EXD3: variants seen among roughly 807,000 people sequenced by gnomAD.
The protein encoded by EXD3 is exonuclease 3'-5' domain containing 3, also known as exonuclease mut-7 homolog.
EXD3 carries 92 observed loss-of-function variants against 98.0 expected under a neutral mutation model. That is an observed-to-expected ratio of 0.94 (90% CI 0.79 to 1.12). The LOEUF is 1.12. Ranked by LOEUF, EXD3 falls within the 50% of genes most tolerant of loss-of-function variation. The pLI is 0.00. For synonymous variants in EXD3, 569 were observed against 526.0 expected (o/e 1.08, Z -1.12); for missense variants, 1,222 against 1,191.6 (o/e 1.03, Z -0.38).
chr9:137,366,195 A>G (rs1322185260), intron 7 of EXD3: 2 of 702,186 alleles, frequency 2.8e-6, no homozygotes, highest in African/African-American at 3.5e-5. Flanking sequence ...GATGAACAAG[A>G]AAGCAGTACG....
At chr9:137,323,554 C>T (rs1321141084) in intron 19 of EXD3, among the ~76,000 whole-genome samples, 171 bp downstream of exon 19, 12 of 100,686 alleles carry the variant, frequency 1.2e-4, no homozygotes, top group South Asian at 7.2e-4. Context: ...CACCTCACCC[C>T]GGACCCACGA....
At chr9:137,328,667 C>T (rs1832667875) in intron 17 of EXD3, among the ~76,000 whole-genome samples, 3 of 91,370 alleles carry the variant, frequency 3.3e-5, no homozygotes, top group Admixed American at 1.1e-4. Context: ...CGGGACTACA[C>T]GGGACTACAC....
Position 137,382,889 on chromosome 9 carries a change from G to A in EXD3, c.120+424C>T, listed in dbSNP as rs55841163. Among the ~76,000 whole-genome samples the A allele has an allele frequency of 7.6e-3, 1,164 of 152,194 alleles. 17 individuals carry two copies. Among genetic ancestry groups the A allele is most frequent in the African/African-American group, 0.024 (1,009 of 41,532 alleles). On this transcript the variant is annotated intron_variant, in intron 3 of 21. Coordinates refer to ENST00000340951, the MANE Select transcript of EXD3 (RefSeq NM_017820.5). ...TGTAGCCTCTCCCCTGGCCTCTCCC[G>A]CCCAGCCTCCTGCCCTGCTCAAGTC...
chr9:137,415,629 C>G (rs112681884), intron 1 of EXD3, among the ~76,000 whole-genome samples: 4 of 152,200 alleles, frequency 2.6e-5, no homozygotes, highest in Admixed American at 2.6e-4. Context: ...GCTGCAAGGA[C>G]GGGTCAGGTG....
In EXD3 at chr9:137,324,955, G is replaced by A. The variant is rs903835679; in HGVS notation, c.1999-812C>T. On this transcript the variant is annotated intron_variant, in intron 17 of 21. Coordinates refer to ENST00000340951, the MANE Select transcript of EXD3 (RefSeq NM_017820.5). This position sits in a 1 kb window ranked among gnomAD's most constrained non-coding sequence, Gnocchi z 4.1. ...GATCTGCCCGCCTCGGCCTCCCAAA[G>A]TGCTGGGATTACAGGTGTGAGTCAC... Among the ~76,000 whole-genome samples the A allele has an allele frequency of 1.3e-5, 2 of 152,160 alleles. No homozygotes were observed. The highest frequency in any genetic ancestry group is 2.4e-5 in the African/African-American group (1 of 41,416).
intron 1 of EXD3, among the ~76,000 whole-genome samples, chr9:137,406,419 G>A (rs1454692404): frequency 1.3e-5 from 2 of 152,132 alleles, no homozygotes; most frequent in African/African-American, 4.8e-5. Flanking sequence ...CAGCCAGGGC[G>A]GGGTGAGCCT....
At chr9:137,356,481 A>C in intron 7 of EXD3, 113 bp from the exon 8 acceptor site, 1 of 742,298 alleles carries the variant, frequency 1.3e-6, no homozygotes. Context: ...AGTGAGGTTT[A>C]TAAGAAAATG....
At chr9:137,384,844 C>A in intron 2 of EXD3, among the ~76,000 whole-genome samples, 1 of 152,196 alleles carries the variant, frequency 6.6e-6, no homozygotes, top group East Asian at 1.9e-4. Context: ...GTCATCTCAG[C>A]ACTTTGGGAG....
In EXD3 at chr9:137,373,601, T is replaced by C; in HGVS notation, c.121-2A>G. Reference sequence around the variant, plus strand: ...CCCCCGCCAGGCTTCCTCCCGGAGCTGTGGAGACACAAAACCACACTGGCA... The same window carrying C: ...CCCCCGCCAGGCTTCCTCCCGGAGCCGTGGAGACACAAAACCACACTGGCA... On this transcript the variant is annotated splice_acceptor_variant, in intron 3 of 21. Transcript: ENST00000340951. LOFTEE classifies it high-confidence loss of function. 1.3e-6 allele frequency: 2 copies of C among 1,595,986 alleles called. No homozygotes were observed. The highest frequency in any genetic ancestry group is 1.7e-5 in the Admixed American group (1 of 57,290).
Position 137,346,758 on chromosome 9 carries a change from G to A in EXD3, c.1998+1313C>T, listed in dbSNP as rs182625147. ...ATCCCCTGATTCTAAAACTACTTCC[G>A]CATGTTTAGCTGTGTGTTACACCAG... On this transcript the variant is annotated intron_variant, in intron 17 of 21. Coordinates refer to ENST00000340951, the MANE Select transcript of EXD3 (RefSeq NM_017820.5). Among the ~76,000 whole-genome samples the A allele has an allele frequency of 4.9e-4, 72 of 147,512 alleles. 1 individual carries two copies. The Middle Eastern group carries it at 0.014, about 29-fold the overall frequency.
Position 137,308,892 on chromosome 9 carries a change from G to A in EXD3, c.2278+715C>T, listed in dbSNP as rs565306608. On this transcript the variant is annotated intron_variant, in intron 20 of 21. Transcript: ENST00000340951. ...AATCTCCTGATCTTGTGATCTGCCC[G>A]CCTCGGCCTCCCAAAGTGCTGGGAT... 2.1e-3 allele frequency among the ~76,000 whole-genome samples: 318 copies of A among 152,180 alleles called. 2 individuals carry two copies. Among genetic ancestry groups the A allele is most frequent in the Admixed American group, 3.3e-3 (51 of 15,282 alleles).
Position 137,366,642 on chromosome 9 carries a change from G to C in EXD3, c.517-10C>G. ...GCAGTGGGATGCTCATCTGCAGGGG[G>C]ACACACGGTCAGGCCACAGCCTCCG... On this transcript the variant is annotated splice_polypyrimidine_tract_variant and intron_variant, in intron 6 of 21. Transcript: ENST00000340951. The C allele has an allele frequency of 4.5e-6, 7 of 1,556,474 alleles. No individual in the cohort carries two copies. Among genetic ancestry groups the C allele is most frequent in the Non-Finnish European group, 6.1e-6 (7 of 1,151,276 alleles).
At position 137,349,321 on chromosome 9, in the gene EXD3, G is replaced by A; in HGVS notation, c.1658-39C>T. ...CGGCCTCAGCCTCCCGGGACAGAGG[G>A]CGGGAGGGGCGTGAGGAGGGGTCAC... On this transcript the variant is annotated intron_variant, in intron 15 of 21. Transcript: ENST00000340951. The surrounding 1 kb of genome is among the most constrained non-coding windows in gnomAD (Gnocchi z 7.4). 1 of 1,551,358 alleles carries A rather than the reference G, an allele frequency of 6.4e-7. No individual in the cohort carries two copies. Among genetic ancestry groups the A allele is most frequent in the Non-Finnish European group, 8.7e-7 (1 of 1,153,350 alleles).
chr9:137,383,817 C>T (rs888144395), intron 2 of EXD3, among the ~76,000 whole-genome samples: 11 of 152,178 alleles, frequency 7.2e-5, no homozygotes, highest in Admixed American at 6.5e-5. Context: ...TTTCGGTCCC[C>T]GGCCCTCCCG....
chr9:137,335,619 G>T (rs1421874172), intron 17 of EXD3, among the ~76,000 whole-genome samples: 9 of 152,174 alleles, frequency 5.9e-5, no homozygotes, highest in Non-Finnish European at 5.9e-5. Context: ...GGCGGAGGTT[G>T]CAGTGAGCCA....
Position 137,420,612 on chromosome 9 carries a change from C to T in EXD3, c.-48+2502G>A, listed in dbSNP as rs568012756. On this transcript the variant is annotated intron_variant, in intron 1 of 21. Transcript: ENST00000340951. ...GCCAATAAAAAGCCCCTTGGGATGA[C>T]TGGACTGGTGCCCTGTTTACATAGT... Among the ~76,000 whole-genome samples the T allele has an allele frequency of 6.6e-5, 10 of 152,262 alleles. No individual in the cohort carries two copies. The South Asian group carries it at 2.1e-3, about 32-fold the overall frequency.
In EXD3 at chr9:137,395,232, C is replaced by T; in HGVS notation, c.55+71G>A. On this transcript the variant is annotated intron_variant, in intron 2 of 21. Coordinates refer to ENST00000340951, the MANE Select transcript of EXD3 (RefSeq NM_017820.5). The surrounding 1 kb of genome is among the most constrained non-coding windows in gnomAD (Gnocchi z 6.5). ...ACTGAGTACACAGTGGGCGCCACCA[C>T]CCCCCATGCACACCCACGCACCTCC... 2.2e-6 allele frequency: 3 copies of T among 1,338,726 alleles called. 1 individual carries two copies. The highest frequency in any genetic ancestry group is 3.2e-6 in the Non-Finnish European group (3 of 932,104). 82.9% of individuals were successfully genotyped at this position (1,338,726 alleles called of 1,614,324 possible). A position where few individuals can be genotyped will look rare whatever the true frequency, so the allele number is the denominator to read the frequency against.
At chr9:137,416,958 G>A (rs1184655414) in intron 1 of EXD3, among the ~76,000 whole-genome samples, 1 of 152,220 alleles carries the variant, frequency 6.6e-6, no homozygotes, top group African/African-American at 2.4e-5. Flanking sequence ...TTTCCCGACA[G>A]ACGCGGCCAG....
chr9:137,367,686 G>A (rs1345112426), intron 6 of EXD3: 5 of 460,282 alleles, frequency 1.1e-5, no homozygotes, highest in East Asian at 8.4e-5. Context: ...GCTGCTGCAC[G>A]GAGCACACTC....
Sources: gnomAD v4.1 joint callset for allele counts (sites outside exome capture counted in the v4.1 genomes callset) on GRCh38, gnomAD v4.1.1 for gene constraint, Gnocchi (gnomAD v3.1) non-coding constraint, MANE v1.5 for transcripts, NCBI Gene and HGNC (gene_info 2026-07-23, HGNC 2026-07-21) for gene names.